Variants in U2SURP observed in about 807,000 individuals in gnomAD.
U2SURP encodes U2 snRNP-associated SURP motif-containing protein.
A neutral mutation model predicts 144.9 loss-of-function variants in U2SURP; 9 were observed. The ratio of observed to expected loss-of-function variants is 0.06; its 90% CI spans 0.04 to 0.11. The LOEUF (loss-of-function observed/expected upper bound fraction) is 0.11. U2SURP is among the 10% of genes least tolerant of loss of function. U2SURP has a pLI of 1.00. For synonymous variants in U2SURP, 408 were observed against 396.8 expected, an observed-to-expected ratio of 1.03 and a Z score of -0.33; for missense variants, 724 against 1,226.7, an observed-to-expected ratio of 0.59 and a Z score of 6.12.
intron 1 of U2SURP, among the ~76,000 whole-genome samples, chr3:143,010,571 A>G (rs1035614664): frequency 4.6e-5 from 7 of 152,352 alleles, no homozygotes; most frequent in African/African-American, 1.4e-4. Context: ...ATTTTGCCTC[A>G]TATATATCCC....
Position 143,021,486 on chromosome 3 carries a change from C to T in U2SURP, c.783C>T (p.Tyr261=), listed in dbSNP as rs752401196. Residue 261 remains tyrosine, a synonymous_variant, in exon 10 of 28, where the codon TAC becomes TAT. Coordinates refer to ENST00000473835, the MANE Select transcript of U2SURP (RefSeq NM_001080415.2). ...RNRSSGVLDD[Y]APGSHDVGDP... The stretch of plus-strand genomic sequence containing the variant: ...TTTCTGCCCTAGTTCTTGATGATTA[C>T]GCACCTGGCTCACATGATGTAGGAG... The T allele has an allele frequency of 1.3e-5, 21 of 1,613,634 alleles. No individual in the cohort carries two copies. The highest frequency in any genetic ancestry group is 3.3e-5 in the Admixed American group (2 of 59,972).
At chr3:143,048,025 A>G (rs749518486) in intron 24 of U2SURP, among the ~76,000 whole-genome samples, 2 of 152,234 alleles carry the variant, frequency 1.3e-5, no homozygotes, top group African/African-American at 4.8e-5. Flanking sequence ...GAAGAGTAGA[A>G]TAGTGGGTGG....
At chr3:143,018,541 T>C (rs1293027859) in intron 6 of U2SURP, among the ~76,000 whole-genome samples, 2 of 152,170 alleles carry the variant, frequency 1.3e-5, no homozygotes, top group Admixed American at 6.5e-5. Flanking sequence ...TGTGAACTTA[T>C]GTTTTCAGTT....
chr3:143,019,554 A>G (rs1936535360), intron 6 of U2SURP, among the ~76,000 whole-genome samples: 1 of 152,200 alleles, frequency 6.6e-6, no homozygotes, highest in Non-Finnish European at 1.5e-5. Context: ...TCCCTATTAA[A>G]TTATGTTGGC....
intron 16 of U2SURP, among the ~76,000 whole-genome samples, chr3:143,032,428 G>A (rs1054291811): frequency 6.6e-6 from 1 of 152,196 alleles, no homozygotes; most frequent in Non-Finnish European, 1.5e-5. Flanking sequence ...AAGTGTTAAA[G>A]TAATAGACTT....
chr3:143,050,039 T>C (rs1039962530), intron 24 of U2SURP, among the ~76,000 whole-genome samples: 5 of 152,132 alleles, frequency 3.3e-5, no homozygotes, highest in Admixed American at 6.5e-5. Context: ...TGTGCACTTA[T>C]ATAGGTAATA....
chr3:143,041,533 T>C (rs1934102709), intron 23 of U2SURP, among the ~76,000 whole-genome samples: 1 of 151,986 alleles, frequency 6.6e-6, no homozygotes, highest in Non-Finnish European at 1.5e-5. Context: ...GACCTTTGGT[T>C]GAGAAATTTA....
In U2SURP at chr3:143,028,505, G is replaced by A. The variant is rs751970089; in HGVS notation, c.1469G>A (p.Arg490Gln). 8 of 1,594,622 alleles carry A rather than the reference G, an allele frequency of 5.0e-6. No homozygotes were observed. Among genetic ancestry groups the A allele is most frequent in the Admixed American group, 3.7e-5 (2 of 54,610 alleles). The change falls in exon 16 of 28, where the codon CGG becomes CAG. Residue 490 changes from arginine to glutamine, a missense_variant. Transcript: ENST00000473835. ...TAGGGAGATTCTCCAACTAAATGGC[G>A]GACGGAAGATTTTCGTATGTTCAAA... ...ILQGDSPTKW[R>Q]TEDFRMFKNG...
rs532081964 is a variant in U2SURP at position 143,021,300 on chromosome 3, G to T, written c.734-50G>T. On this transcript the variant is annotated intron_variant, in intron 8 of 27. Coordinates refer to ENST00000473835, the MANE Select transcript of U2SURP (RefSeq NM_001080415.2). The stretch of plus-strand genomic sequence containing the variant: ...GGAAACAAAGGTGAGGGTAAGGGGG[G>T]ACTACTGTATTATAAAAACTAATAA... 37 of 1,546,302 alleles carry T rather than the reference G, an allele frequency of 2.4e-5. No individual in the cohort carries two copies. The South Asian group carries it at 4.0e-4, about 17-fold the overall frequency.
intron 24 of U2SURP, among the ~76,000 whole-genome samples, chr3:143,045,848 G>C (rs937169855): frequency 6.6e-6 from 1 of 152,156 alleles, no homozygotes; most frequent in African/African-American, 2.4e-5. Flanking sequence ...ATCTTCTCTT[G>C]TGTTTCCTCT....
intron 1 of U2SURP, 79 bp from the exon 2 acceptor site, chr3:143,010,736 A>T: frequency 9.0e-7 from 1 of 1,115,402 alleles, no homozygotes; most frequent in Non-Finnish European, 1.3e-6. Context: ...GGAAACTCTT[A>T]AGTTTGTATA....
At chr3:143,028,693 ATG>A in intron 16 of U2SURP, 47 bp downstream of exon 16, 2 of 1,506,584 alleles carry the variant, frequency 1.3e-6, no homozygotes, top group Non-Finnish European at 1.8e-6. Context: ...AGTAACTGTA[ATG>A]GTTGCTTTAA....
intron 24 of U2SURP, among the ~76,000 whole-genome samples, chr3:143,046,565 A>AT (rs1388589901): frequency 9.3e-6 from 1 of 107,320 alleles, no homozygotes; most frequent in African/African-American, 4.1e-5. Flanking sequence ...AACAAAGCAC[A>AT]TCTTGCACCG....
intron 27 of U2SURP, 106 bp from the exon 28 acceptor site, chr3:143,056,206 A>AT (rs1409966887): frequency 8.2e-7 from 1 of 1,221,592 alleles, no homozygotes; most frequent in South Asian, 1.6e-5. Flanking sequence ...TATTGCAGTG[A>AT]TTTTTCACTG....
chr3:143,002,623 GTTAAATC>G (rs1468379500), intron 1 of U2SURP, among the ~76,000 whole-genome samples: 4 of 152,210 alleles, frequency 2.6e-5, no homozygotes, highest in Admixed American at 6.5e-5. Flanking sequence ...GCTAGGGACT[GTTAAATC>G]TTAAAGAGTG....
chr3:143,043,190 C>A lies in U2SURP; in HGVS notation c.2458C>A (p.Pro820Thr). ...KSEEHHLYSNPIKEEMTESKF... is the reference protein window; with the variant it reads ...KSEEHHLYSNTIKEEMTESKF... ...TGAAGAACATCATTTGTACTCTAATCCAATCAAAGAAGAAATGACTGAGTC... is the reference window on the plus strand; with the variant it reads ...TGAAGAACATCATTTGTACTCTAATACAATCAAAGAAGAAATGACTGAGTC... The change falls in exon 24 of 28, where the codon CCA becomes ACA. Residue 820 changes from proline to threonine, a missense_variant. Physicochemically the swap from Pro to Thr is conservative, Grantham distance 38. Around this residue, in one of 13 missense-constraint regions of U2SURP, gnomAD observed 50 missense variants for 48.0 expected, o/e 1.04. Transcript: ENST00000473835. 5 of 1,603,804 alleles carry A rather than the reference C, an allele frequency of 3.1e-6. No individual in the cohort carries two copies. The highest frequency in any genetic ancestry group is 4.3e-6 in the Non-Finnish European group (5 of 1,174,574).
chr3:143,019,851 A>G, intron 6 of U2SURP, 118 bp from the exon 7 acceptor site: 1 of 450,928 alleles, frequency 2.2e-6, no homozygotes, highest in South Asian at 7.7e-5. Flanking sequence ...CTTCCTTTTT[A>G]ATTTAAATAA....
At chr3:143,030,381 T>C (rs930200330) in intron 16 of U2SURP, among the ~76,000 whole-genome samples, 1 of 152,222 alleles carries the variant, frequency 6.6e-6, no homozygotes, top group Non-Finnish European at 1.5e-5. Context: ...GCCTGTGCTC[T>C]ATAAATGGAA....
At chr3:143,038,357 G>T (rs1316295698) in intron 22 of U2SURP, among the ~76,000 whole-genome samples, 154 bp downstream of exon 22, 1 of 151,944 alleles carries the variant, frequency 6.6e-6, no homozygotes, top group Non-Finnish European at 1.5e-5. Flanking sequence ...TGCTTTTATT[G>T]TGGTTGGTGT....
Sources: allele counts gnomAD v4.1 joint callset (sites outside exome capture counted in the v4.1 genomes callset), GRCh38; gene constraint gnomAD v4.1.1; regional missense constraint gnomAD v4.1.1; transcripts MANE v1.5; gene names NCBI Gene and HGNC (gene_info 2026-07-23, HGNC 2026-07-21).